MCF2L2: variants seen among roughly 807,000 people sequenced by gnomAD.
The protein encoded by MCF2L2 is probable guanine nucleotide exchange factor MCF2L2.
MCF2L2 carries 102 observed loss-of-function variants against 150.2 expected under a neutral mutation model. The observed-to-expected ratio is 0.68, with a 90% confidence interval of 0.58 to 0.80. The LOEUF (loss-of-function observed/expected upper bound fraction) is 0.80, where lower values mean the gene tolerates loss of function less well. Ranked by LOEUF, MCF2L2 falls within the 30% of genes least tolerant of loss-of-function variation. The pLI, the probability that MCF2L2 is intolerant of heterozygous loss-of-function variation, is 0.00. For missense variants in MCF2L2, 1,256 were observed against 1,372.8 expected (o/e 0.91, Z 1.34); for synonymous variants, 465 against 491.3 (o/e 0.95, Z 0.71).
intron 1 of MCF2L2, among the ~76,000 whole-genome samples, chr3:183,403,049 G>C (rs1367352823): frequency 6.6e-6 from 1 of 152,102 alleles, no homozygotes; most frequent in African/African-American, 2.4e-5. Flanking sequence ...GGGAGGCTGA[G>C]GCGGGCAGAT....
Position 183,351,230 on chromosome 3 carries a change from A to ATT in MCF2L2, c.276-9601_276-9600insAA, listed in dbSNP as rs1397882865. 1.7e-3 allele frequency among the ~76,000 whole-genome samples: 131 copies of ATT among 79,224 alleles called. 1 individual carries two copies. Among genetic ancestry groups the ATT allele is most frequent in the East Asian group, 2.2e-3 (5 of 2,228 alleles). The allele number at this position is 79,224 out of a possible 152,430, so 52.0% of individuals were successfully genotyped here. A position where few individuals can be genotyped will look rare whatever the true frequency, so the allele number is the denominator to read the frequency against. On this transcript the variant is annotated intron_variant, in intron 3 of 29. Transcript: ENST00000328913. Reference sequence around the variant, plus strand: ...TATATATATATATATATATATATATATATATATTTATTTATTTATTTATCA... The same window carrying ATT: ...TATATATATATATATATATATATATATTTATATATTTATTTATTTATTTATCA...
At chr3:183,307,780 A>T (rs1729170724) in intron 10 of MCF2L2, among the ~76,000 whole-genome samples, 1 of 152,250 alleles carries the variant, frequency 6.6e-6, no homozygotes, top group South Asian at 2.1e-4. Flanking sequence ...AATAAAATTC[A>T]AATCCTCACA....
At position 183,276,875 on chromosome 3, in the gene MCF2L2, CG is replaced by C; in HGVS notation, c.1858del (p.Arg620AlafsTer16). ...ACCCACGGATGTGCAGTCTTACCTG[CG>C]GGGGGAAAGGTCTCCGAGCCTGGCC... ...QQARLGDLSP[R>X]RRIIRDLLET... On this transcript the variant is annotated frameshift_variant, in exon 15 of 30. Transcript: ENST00000328913. LOFTEE classifies it high-confidence loss of function. 1.9e-6 allele frequency: 3 copies of C among 1,606,412 alleles called. No homozygotes were observed. The highest frequency in any genetic ancestry group is 1.7e-6 in the Non-Finnish European group (2 of 1,175,812).
In MCF2L2 at chr3:183,323,215, A is replaced by T. The variant is rs1482229309; in HGVS notation, c.603+20T>A. 6.6e-7 allele frequency: 1 copy of T among 1,521,374 alleles called. No individual in the cohort carries two copies. Among genetic ancestry groups the T allele is most frequent in the Non-Finnish European group, 9.1e-7 (1 of 1,100,850 alleles). 94.2% of individuals were successfully genotyped at this position (1,521,374 alleles called of 1,614,324 possible). A position where few individuals can be genotyped will look rare whatever the true frequency, so the allele number is the denominator to read the frequency against. ...AAAACAAGGAGAGACAGTGAAAAGC[A>T]CACGTAAGCTGGTACTCACAGTGCG... On this transcript the variant is annotated intron_variant, in intron 6 of 29. Coordinates refer to ENST00000328913, the MANE Select transcript of MCF2L2 (RefSeq NM_015078.4).
intron 27 of MCF2L2, among the ~76,000 whole-genome samples, chr3:183,184,185 T>C (rs1304440558): frequency 6.6e-6 from 1 of 152,158 alleles, no homozygotes; most frequent in Non-Finnish European, 1.5e-5. Context: ...GCCTGGCTAA[T>C]TTTTGTATTT....
intron 25 of MCF2L2, among the ~76,000 whole-genome samples, chr3:183,201,465 C>A (rs991416007): frequency 1.3e-5 from 2 of 152,150 alleles, no homozygotes; most frequent in South Asian, 4.1e-4. Context: ...GTAATTTTTG[C>A]ACATTGATTT....
chr3:183,334,793 C>CAAAAAA (rs576703262), intron 5 of MCF2L2, among the ~76,000 whole-genome samples: 1 of 88,548 alleles, frequency 1.1e-5, no homozygotes, highest in Non-Finnish European at 2.6e-5. Context: ...AACTCCATTT[C>CAAAAAA]AAAAAAAAAA....
intron 13 of MCF2L2, among the ~76,000 whole-genome samples, chr3:183,295,093 A>G (rs970820346): frequency 3.0e-4 from 45 of 152,248 alleles, no homozygotes; most frequent in African/African-American, 1.1e-3. Context: ...TTCCTTCAGT[A>G]GATTGTGTGT....
Position 183,212,216 on chromosome 3 carries a change from T to C in MCF2L2, c.2496+3753A>G, listed in dbSNP as rs1033625055. Among the ~76,000 whole-genome samples the C allele has an allele frequency of 9.2e-5, 14 of 152,138 alleles. 1 individual carries two copies. The highest frequency in any genetic ancestry group is 3.1e-4 in the African/African-American group (13 of 41,418). On this transcript the variant is annotated intron_variant, in intron 22 of 29. Coordinates refer to ENST00000328913, the MANE Select transcript of MCF2L2 (RefSeq NM_015078.4). Reference sequence around the variant, plus strand: ...ACGTGGGCCTGCTCTCACCTTGCCTTTGGACGTCTAGCCGTCAAAACTGTG... The same window carrying C: ...ACGTGGGCCTGCTCTCACCTTGCCTCTGGACGTCTAGCCGTCAAAACTGTG...
chr3:183,401,163 C>T (rs1257759498), intron 1 of MCF2L2, among the ~76,000 whole-genome samples: 3 of 152,174 alleles, frequency 2.0e-5, no homozygotes, highest in East Asian at 3.8e-4. Flanking sequence ...GTGAGTTCAC[C>T]TTTCAAACTG....
intron 7 of MCF2L2, among the ~76,000 whole-genome samples, chr3:183,313,232 A>AACACACACACACACAC (rs111694523): frequency 3.1e-4 from 46 of 149,406 alleles, no homozygotes; most frequent in African/African-American, 1.1e-3. Context: ...AGCTTCCAGC[A>AACACACACACACACAC]ACACACACAC....
In MCF2L2 at chr3:183,230,953, C is replaced by A; in HGVS notation, c.1927G>T (p.Asp643Tyr). The A allele has an allele frequency of 6.2e-7, 1 of 1,611,940 alleles. No homozygotes were observed. Residue 643 changes from aspartate to tyrosine, a missense_variant and splice_region_variant, in exon 16 of 30, where the codon GAT becomes TAT. By Grantham distance (160) the Asp-to-Tyr change is radical (BLOSUM62 -3). Coordinates refer to ENST00000328913, the MANE Select transcript of MCF2L2 (RefSeq NM_015078.4). ...CCCCACTCCCCAAATCTACTTACAT[C>A]AATTATGCTTTTAATCTCTTTTATG... ...IYIKEIKSIIDGYITPMDFIW... is the reference protein window; with the variant it reads ...IYIKEIKSIIYGYITPMDFIW...
chr3:183,371,491 G>C (rs1452292827), intron 3 of MCF2L2, among the ~76,000 whole-genome samples: 1 of 141,906 alleles, frequency 7.0e-6, no homozygotes, highest in African/African-American at 2.7e-5. Flanking sequence ...TTTTTGAGAC[G>C]GAGTCTCACT....
At chr3:183,278,358 A>G (rs897754289) in intron 14 of MCF2L2, among the ~76,000 whole-genome samples, 3 of 149,814 alleles carry the variant, frequency 2.0e-5, no homozygotes, top group Admixed American at 6.7e-5. Context: ...GCCACTATGT[A>G]TGTGTGTGTG....
intron 15 of MCF2L2, among the ~76,000 whole-genome samples, chr3:183,246,469 C>T (rs1430681482): frequency 1.3e-5 from 2 of 152,174 alleles, no homozygotes; most frequent in Non-Finnish European, 2.9e-5. Flanking sequence ...GCTTATTTCA[C>T]GTAGCGTAAT....
Position 183,181,744 on chromosome 3 carries a change from T to G in MCF2L2, c.3017-1585A>C, listed in dbSNP as rs1721529795. Among the ~76,000 whole-genome samples the G allele has an allele frequency of 6.6e-6, 1 of 152,130 alleles. No homozygotes were observed. Among genetic ancestry groups the G allele is most frequent in the Non-Finnish European group, 1.5e-5 (1 of 68,000 alleles). The stretch of plus-strand genomic sequence containing the variant: ...GTGTCTCCAGGGTCCATGGCCTCTG[T>G]GCCCCGGATGATGCCAGGGCTGCTA... On this transcript the variant is annotated intron_variant, in intron 27 of 29. Coordinates refer to ENST00000328913, the MANE Select transcript of MCF2L2 (RefSeq NM_015078.4). The surrounding 1 kb of genome is among the most constrained non-coding windows in gnomAD (Gnocchi z 4.3).
chr3:183,402,960 A>G (rs1447245063), intron 1 of MCF2L2, among the ~76,000 whole-genome samples: 4 of 152,032 alleles, frequency 2.6e-5, no homozygotes, highest in Non-Finnish European at 5.9e-5. Flanking sequence ...TTATTTACTT[A>G]TTCTTTACTT....
At chr3:183,423,537 C>A (rs993278310) in intron 1 of MCF2L2, among the ~76,000 whole-genome samples, 18 of 150,954 alleles carry the variant, frequency 1.2e-4, no homozygotes, top group Non-Finnish European at 2.2e-4. Context: ...ATAATTATGT[C>A]TAATATGAGG....
intron 22 of MCF2L2, among the ~76,000 whole-genome samples, chr3:183,215,056 C>T (rs1304218477): frequency 6.6e-6 from 1 of 152,048 alleles, no homozygotes; most frequent in Non-Finnish European, 1.5e-5. Context: ...TGCTTTATTA[C>T]CTCTGCTCAT....
Sources: gnomAD v4.1 joint callset for allele counts (sites outside exome capture counted in the v4.1 genomes callset) on GRCh38, gnomAD v4.1.1 for gene constraint, Gnocchi (gnomAD v3.1) non-coding constraint, MANE v1.5 for transcripts, NCBI Gene and HGNC (gene_info 2026-07-23, HGNC 2026-07-21) for gene names.